The following TTC7B variants were observed in gnomAD, a reference collection of about 807,000 sequenced individuals.
TTC7B encodes the protein tetratricopeptide repeat domain 7B, also known as tetratricopeptide repeat protein 7B.
TTC7B carries 28 observed loss-of-function variants against 106.8 expected under a neutral mutation model. The observed-to-expected ratio is 0.26, with a 90% CI of 0.19 to 0.36. TTC7B has a LOEUF of 0.36. TTC7B is among the 10% of genes least tolerant of loss of function. The probability of loss-of-function intolerance (pLI) is 1.00; values close to 1 mark genes in which losing one functional copy is unlikely to be tolerated. For synonymous variants in TTC7B, 405 were observed against 430.6 expected, an observed-to-expected ratio of 0.94 and a Z score of 0.74; for missense variants, 862 against 1,076.4, an observed-to-expected ratio of 0.80 and a Z score of 2.79.
At chr14:90,656,744 G>A (rs1885961917) in intron 11 of TTC7B, among the ~76,000 whole-genome samples, 1 of 152,204 alleles carries the variant, frequency 6.6e-6, no homozygotes, top group Non-Finnish European at 1.5e-5. Flanking sequence ...AGTGAGCTCT[G>A]ATCGTGCACT....
At chr14:90,799,984 C>T (rs1454570100) in intron 1 of TTC7B, among the ~76,000 whole-genome samples, 1 of 152,114 alleles carries the variant, frequency 6.6e-6, no homozygotes, top group African/African-American at 2.4e-5. Flanking sequence ...AGGCGCCCGC[C>T]ACCACGCCCA....
intron 3 of TTC7B, among the ~76,000 whole-genome samples, chr14:90,758,538 C>G (rs867968230): frequency 5.3e-5 from 8 of 152,306 alleles, no homozygotes; most frequent in African/African-American, 1.9e-4. Flanking sequence ...CGCGCATGCG[C>G]AACTGTGGCG....
chr14:90,743,388 T>C (rs1889842325), intron 4 of TTC7B, among the ~76,000 whole-genome samples: 3 of 152,228 alleles, frequency 2.0e-5, no homozygotes, highest in African/African-American at 7.2e-5. Flanking sequence ...ACTTCCTGTC[T>C]GTTCATTTAT....
intron 18 of TTC7B, among the ~76,000 whole-genome samples, chr14:90,592,179 C>CA (rs916703920): frequency 6.6e-6 from 1 of 151,926 alleles, no homozygotes; most frequent in Non-Finnish European, 1.5e-5. Flanking sequence ...TTAGCCTTGG[C>CA]AAAAAAGGAG....
intron 12 of TTC7B, among the ~76,000 whole-genome samples, chr14:90,653,167 T>C (rs967662041): frequency 6.6e-6 from 1 of 152,144 alleles, no homozygotes; most frequent in Non-Finnish European, 1.5e-5. Context: ...CCCAGGCATA[T>C]GGGGGCCATT....
intron 19 of TTC7B, among the ~76,000 whole-genome samples, chr14:90,547,462 G>A (rs544279456): frequency 1.9e-4 from 29 of 152,346 alleles, no homozygotes; most frequent in Admixed American, 7.8e-4. Context: ...CAGCAGGGCC[G>A]GCCTGCACTA....
Position 90,647,875 on chromosome 14 carries a change from G to A in TTC7B, c.1518-852C>T, listed in dbSNP as rs547835261. Among the ~76,000 whole-genome samples the A allele has an allele frequency of 7.9e-5, 12 of 152,214 alleles. No homozygotes were observed. The South Asian group carries it at 2.5e-3, about 32-fold the overall frequency. On this transcript the variant is annotated intron_variant, in intron 13 of 19. Coordinates refer to ENST00000328459, the MANE Select transcript of TTC7B (RefSeq NM_001010854.2). ...ACCATGGAGCAGACTAATTAGGTGGGACCCAGATAGTAAACAAAACTTCAT... is the reference window on the plus strand; with the variant it reads ...ACCATGGAGCAGACTAATTAGGTGGAACCCAGATAGTAAACAAAACTTCAT...
In TTC7B at chr14:90,786,165, C is replaced by G; in HGVS notation, c.276+9G>C. ...GGAAGTGTCGCCTCAGCCCAGAGGC[C>G]CATGGTACCTTAAGGTTCCCTCGGT... On this transcript the variant is annotated intron_variant, in intron 2 of 19. Transcript: ENST00000328459. 2.0e-6 allele frequency: 3 copies of G among 1,531,596 alleles called. No individual in the cohort carries two copies. The highest frequency in any genetic ancestry group is 2.6e-6 in the Non-Finnish European group (3 of 1,143,054). The allele number at this position is 1,531,596 out of a possible 1,614,324, so 94.9% of individuals were successfully genotyped here. A position where few individuals can be genotyped will look rare whatever the true frequency, so the allele number is the denominator to read the frequency against.
chr14:90,738,229 C>T (rs971522902), intron 4 of TTC7B, among the ~76,000 whole-genome samples: 1 of 152,270 alleles, frequency 6.6e-6, no homozygotes, highest in South Asian at 2.1e-4. Flanking sequence ...TTTCATCTAG[C>T]AATTTCGGCA....
intron 2 of TTC7B, among the ~76,000 whole-genome samples, 170 bp from the exon 3 acceptor site, chr14:90,781,076 CA>C (rs1891206111): frequency 6.6e-6 from 1 of 152,148 alleles, no homozygotes; most frequent in African/African-American, 2.4e-5. Context: ...GGAAACAACC[CA>C]AATGTCCACC....
At chr14:90,640,723 C>T (rs1368301419) in intron 15 of TTC7B, among the ~76,000 whole-genome samples, 7 of 152,170 alleles carry the variant, frequency 4.6e-5, no homozygotes, top group South Asian at 2.1e-4. Flanking sequence ...CCAATTATTA[C>T]GTGATTACCA....
chr14:90,777,063 C>A (rs562389849), intron 3 of TTC7B, among the ~76,000 whole-genome samples: 1 of 152,064 alleles, frequency 6.6e-6, no homozygotes, highest in Non-Finnish European at 1.5e-5. Context: ...TGGTGAAACC[C>A]TGTCTCTACT....
At position 90,538,627 on chromosome 14, in the gene TTC7B, A is replaced by T. The variant is rs1322938750; in HGVS notation, c.*2741T>A. On this transcript the variant is annotated 3_prime_UTR_variant, in exon 20 of 20. Transcript: ENST00000328459. ...TTGAGATGCGATTTGGGTAGAAAAG[A>T]CAAGATTTACTGGAAAACAGAATAT... 3 of 152,388 alleles carry T rather than the reference A, an allele frequency of 2.0e-5. No individual in the cohort carries two copies. The highest frequency in any genetic ancestry group is 4.4e-5 in the Non-Finnish European group (3 of 68,226). 9.4% of individuals were successfully genotyped at this position (152,388 alleles called of 1,614,324 possible).
chr14:90,682,370 G>A (rs1276686801), intron 7 of TTC7B, among the ~76,000 whole-genome samples: 2 of 152,168 alleles, frequency 1.3e-5, no homozygotes, highest in Admixed American at 1.3e-4. Context: ...AGGCAAGGTG[G>A]GTACTCAGGA....
At position 90,626,355 on chromosome 14, in the gene TTC7B, G is replaced by A. The variant is rs1273597888; in HGVS notation, c.1752-8310C>T. Among the ~76,000 whole-genome samples the A allele has an allele frequency of 5.3e-5, 8 of 152,286 alleles. 1 individual carries two copies. In the East Asian group the frequency reaches 9.6e-4, roughly 18 times the overall value. ...CCCCAAAGGAAGGCCACCCCTGCCC[G>A]TGTCTTGAACAGAATGCTTCCTTCC... On this transcript the variant is annotated intron_variant, in intron 15 of 19. Transcript: ENST00000328459.
intron 18 of TTC7B, among the ~76,000 whole-genome samples, chr14:90,581,695 A>G (rs1351724942): frequency 6.6e-6 from 1 of 152,208 alleles, no homozygotes; most frequent in Admixed American, 6.5e-5. Context: ...ATAGGAGAGC[A>G]GGGATGAACA....
At chr14:90,631,114 G>A (rs1281650125) in intron 15 of TTC7B, among the ~76,000 whole-genome samples, 3 of 152,124 alleles carry the variant, frequency 2.0e-5, no homozygotes, top group African/African-American at 2.4e-5. Context: ...GATTACAGGC[G>A]TGAGCCACTG....
chr14:90,588,146 T>C (rs1255921562), intron 18 of TTC7B, among the ~76,000 whole-genome samples: 1 of 152,166 alleles, frequency 6.6e-6, no homozygotes, highest in Admixed American at 6.5e-5. Context: ...TCGTCACGAA[T>C]GGGGCAAGGC....
chr14:90,620,454 CAG>C (rs1427894426), intron 15 of TTC7B, among the ~76,000 whole-genome samples: 1 of 152,150 alleles, frequency 6.6e-6, no homozygotes, highest in Non-Finnish European at 1.5e-5. Context: ...TCTCACCAAA[CAG>C]GGGTCAACTG....
Sources: allele counts gnomAD v4.1 joint callset (sites outside exome capture counted in the v4.1 genomes callset), GRCh38; gene constraint gnomAD v4.1.1; transcripts MANE v1.5; gene names NCBI Gene and HGNC (gene_info 2026-07-23, HGNC 2026-07-21).